The following ZCWPW2 variants were observed in gnomAD, a reference collection of about 807,000 sequenced individuals.
ZCWPW2 encodes zinc finger CW-type and PWWP domain containing 2, also known as zinc finger CW-type PWWP domain protein 2.
Under a neutral mutation model 46.6 loss-of-function variants are expected in ZCWPW2, and 45 were observed. That is an observed-to-expected ratio of 0.96 (90% CI 0.76 to 1.24). The LOEUF is 1.24. Ranked by LOEUF, ZCWPW2 falls within the 50% of genes most tolerant of loss-of-function variation. The pLI, the probability that ZCWPW2 is intolerant of heterozygous loss-of-function variation, is 0.00. For synonymous variants in ZCWPW2, 152 were observed against 137.1 expected, an observed-to-expected ratio of 1.11 and a Z score of -0.76; for missense variants, 429 against 403.9, an observed-to-expected ratio of 1.06 and a Z score of -0.53.
chr3:28,452,961 T>C (rs1698282801), intron 4 of ZCWPW2, among the ~76,000 whole-genome samples: 1 of 152,172 alleles, frequency 6.6e-6, no homozygotes, highest in Non-Finnish European at 1.5e-5. Context: ...TTGATCATCT[T>C]ATTCTTTGAT....
At chr3:28,387,846 A>C (rs555829497) in intron 1 of ZCWPW2, among the ~76,000 whole-genome samples, 2 of 152,178 alleles carry the variant, frequency 1.3e-5, no homozygotes, top group African/African-American at 4.8e-5. Flanking sequence ...AAGAGTGTGC[A>C]ATAAAGAAGG....
At chr3:28,420,990 T>C (rs1297000551) in intron 3 of ZCWPW2, among the ~76,000 whole-genome samples, 2 of 152,216 alleles carry the variant, frequency 1.3e-5, no homozygotes, top group African/African-American at 4.8e-5. Flanking sequence ...TTTGGTTCTT[T>C]ATATTTCCTA....
At chr3:28,516,668 A>C (rs1575231029) in intron 8 of ZCWPW2, among the ~76,000 whole-genome samples, 1 of 152,254 alleles carries the variant, frequency 6.6e-6, no homozygotes, top group East Asian at 1.9e-4. Flanking sequence ...ATCCTATGGC[A>C]TTGCATTTCA....
At chr3:28,435,980 A>C (rs1172087155) in intron 4 of ZCWPW2, among the ~76,000 whole-genome samples, 1 of 152,174 alleles carries the variant, frequency 6.6e-6, no homozygotes, top group Non-Finnish European at 1.5e-5. Flanking sequence ...TTCAAATGGA[A>C]TATTTCATTT....
chr3:28,508,323 TAGAC>T (rs1172293012), intron 6 of ZCWPW2, among the ~76,000 whole-genome samples: 1 of 152,176 alleles, frequency 6.6e-6, no homozygotes, highest in Non-Finnish European at 1.5e-5. Context: ...TTTTAGATAA[TAGAC>T]AGGTCAAGAC....
Position 28,348,784 on chromosome 3 carries a change from T to C in ZCWPW2, c.-553T>C, listed in dbSNP as rs569981636. 1.9e-5 allele frequency: 4 copies of C among 206,062 alleles called. No homozygotes were observed. In the South Asian group the frequency reaches 6.8e-4, roughly 35 times the overall value. 12.8% of individuals were successfully genotyped at this position (206,062 alleles called of 1,614,324 possible). ...GGGCACGTCGCGGAGGGAGTCCCAT[T>C]TCTTCTGACTCGGCAGGAGCCCGGG... On this transcript the variant is annotated 5_prime_UTR_variant, in exon 1 of 10. Transcript: ENST00000383768.
intron 4 of ZCWPW2, among the ~76,000 whole-genome samples, chr3:28,462,102 C>T (rs73046780): frequency 2.6e-3 from 396 of 152,150 alleles, no homozygotes; most frequent in Non-Finnish European, 4.4e-3. Flanking sequence ...CCTTGTTTTC[C>T]GGATCTGAGT....
chr3:28,510,381 C>T (rs966913015), intron 6 of ZCWPW2, among the ~76,000 whole-genome samples: 1 of 152,144 alleles, frequency 6.6e-6, no homozygotes, highest in Non-Finnish European at 1.5e-5. Context: ...ATAATTCCAA[C>T]GTAGTCCTTA....
chr3:28,494,889 T>C (rs532474415), intron 6 of ZCWPW2, among the ~76,000 whole-genome samples: 2 of 144,636 alleles, frequency 1.4e-5, no homozygotes, highest in African/African-American at 5.1e-5. Context: ...AAGGACCTCT[T>C]CAAGGAGAAC....
intron 2 of ZCWPW2, among the ~76,000 whole-genome samples, chr3:28,411,508 T>C (rs1696398224): frequency 6.6e-6 from 1 of 151,992 alleles, no homozygotes; most frequent in Non-Finnish European, 1.5e-5. Context: ...GTCAATGTTA[T>C]ATCTGTCTTA....
chr3:28,466,495 A>C (rs1698830285), intron 4 of ZCWPW2, among the ~76,000 whole-genome samples: 1 of 152,236 alleles, frequency 6.6e-6, no homozygotes, highest in South Asian at 2.1e-4. Flanking sequence ...AATGCTGCTA[A>C]GAAACAGAAA....
chr3:28,471,568 T>C (rs1473789968), intron 4 of ZCWPW2, among the ~76,000 whole-genome samples: 1 of 152,062 alleles, frequency 6.6e-6, no homozygotes, highest in Non-Finnish European at 1.5e-5. Context: ...GATAAAAACC[T>C]CACAAAACTG....
At chr3:28,517,534 G>A (rs1032369048) in intron 8 of ZCWPW2, among the ~76,000 whole-genome samples, 1 of 152,114 alleles carries the variant, frequency 6.6e-6, no homozygotes, top group Non-Finnish European at 1.5e-5. Context: ...CAGTACCAAG[G>A]GGATAGTACT....
chr3:28,410,519 C>G (rs542549516), intron 2 of ZCWPW2, among the ~76,000 whole-genome samples: 1 of 152,100 alleles, frequency 6.6e-6, no homozygotes, highest in Admixed American at 6.6e-5. Flanking sequence ...ATTATATTCT[C>G]TAACCAAAAT....
At chr3:28,350,544 T>C (rs1704506579) in intron 1 of ZCWPW2, among the ~76,000 whole-genome samples, 1 of 152,192 alleles carries the variant, frequency 6.6e-6, no homozygotes, top group Non-Finnish European at 1.5e-5. Context: ...CAAATTTTAT[T>C]ATTTTAGTCA....
At chr3:28,381,655 C>A (rs1695110573) in intron 1 of ZCWPW2, among the ~76,000 whole-genome samples, 1 of 152,092 alleles carries the variant, frequency 6.6e-6, no homozygotes, top group Non-Finnish European at 1.5e-5. Context: ...AGCATGGTGG[C>A]ACACGGCTGT....
At chr3:28,416,981 T>G (rs983606093) in intron 3 of ZCWPW2, among the ~76,000 whole-genome samples, 8 of 150,914 alleles carry the variant, frequency 5.3e-5, no homozygotes, top group African/African-American at 2.0e-4. Context: ...AATTCTCTTT[T>G]TTTGTTGTGT....
At chr3:28,475,464 G>A (rs890853393) in intron 4 of ZCWPW2, among the ~76,000 whole-genome samples, 6 of 152,114 alleles carry the variant, frequency 3.9e-5, no homozygotes, top group Non-Finnish European at 7.3e-5. Context: ...TCAAAGCAAT[G>A]AGAATGATTT....
intron 1 of ZCWPW2, among the ~76,000 whole-genome samples, chr3:28,383,606 T>C (rs1695173754): frequency 6.6e-6 from 1 of 151,526 alleles, no homozygotes; most frequent in South Asian, 2.1e-4. Context: ...AGATAAGAGG[T>C]GTGTGTTAAA....
Sources: gnomAD v4.1 joint callset for allele counts (sites outside exome capture counted in the v4.1 genomes callset) on GRCh38, gnomAD v4.1.1 for gene constraint, MANE v1.5 for transcripts, NCBI Gene and HGNC (gene_info 2026-07-23, HGNC 2026-07-21) for gene names.